Variants in NOS1AP observed in about 807,000 individuals in gnomAD.
The protein encoded by NOS1AP is nitric oxide synthase 1 adaptor protein.
Under a neutral mutation model 56.2 loss-of-function variants are expected in NOS1AP, and 21 were observed. The observed-to-expected ratio is 0.37, with a 90% CI of 0.26 to 0.54. The LOEUF (loss-of-function observed/expected upper bound fraction) is 0.54, where lower values mean the gene tolerates loss of function less well. Among genes scored for constraint, NOS1AP ranks in the 20% least tolerant of loss-of-function variants. NOS1AP has a pLI of 0.84. For missense variants in NOS1AP, 522 were observed against 657.8 expected (o/e 0.79, Z 2.26); for synonymous variants, 270 against 274.6 (o/e 0.98, Z 0.17).
Position 162,199,014 on chromosome 1 carries a change from G to A in NOS1AP, c.177+44538G>A, listed in dbSNP as rs906271912. Among the ~76,000 whole-genome samples, 8 of 152,102 alleles carry A rather than the reference G, an allele frequency of 5.3e-5. No homozygotes were observed. The East Asian group carries it at 1.5e-3, about 29-fold the overall frequency. On this transcript the variant is annotated intron_variant, in intron 2 of 9. Transcript: ENST00000361897. The stretch of plus-strand genomic sequence containing the variant: ...AAAGAATAACCACTCAACTAATATG[G>A]GTTGATTGATTAAATATGGCAAAGG...
At chr1:162,175,899 T>C (rs1415827285) in intron 2 of NOS1AP, among the ~76,000 whole-genome samples, 1 of 152,176 alleles carries the variant, frequency 6.6e-6, no homozygotes, top group Non-Finnish European at 1.5e-5. Context: ...TTTGCTTAAT[T>C]GTTCACTTCC....
chr1:162,146,812 A>C (rs1192718318), intron 1 of NOS1AP, among the ~76,000 whole-genome samples: 1 of 152,252 alleles, frequency 6.6e-6, no homozygotes, highest in Non-Finnish European at 1.5e-5. Context: ...ATCTTACATT[A>C]GTATAGTACA....
At chr1:162,358,254 C>T (rs1429097855) in intron 8 of NOS1AP, among the ~76,000 whole-genome samples, 1 of 152,162 alleles carries the variant, frequency 6.6e-6, no homozygotes, top group Non-Finnish European at 1.5e-5. Context: ...TCCACCTTTC[C>T]ACCTTGAGGA....
At chr1:162,222,102 T>G (rs980936189) in intron 2 of NOS1AP, among the ~76,000 whole-genome samples, 1 of 152,258 alleles carries the variant, frequency 6.6e-6, no homozygotes, top group African/African-American at 2.4e-5. Context: ...TTTACAGTTC[T>G]TATTCCTAGC....
intron 1 of NOS1AP, among the ~76,000 whole-genome samples, chr1:162,128,985 G>A (rs1280320539): frequency 1.3e-5 from 2 of 152,136 alleles, no homozygotes; most frequent in Admixed American, 1.3e-4. Flanking sequence ...CTCATTAGGC[G>A]CTGATAACCC....
intron 2 of NOS1AP, among the ~76,000 whole-genome samples, chr1:162,249,543 TCA>T: frequency 1.3e-5 from 2 of 152,206 alleles, no homozygotes; most frequent in Non-Finnish European, 2.9e-5. Context: ...TCTCTTGTCA[TCA>T]TCCACACCAA....
intron 2 of NOS1AP, among the ~76,000 whole-genome samples, chr1:162,204,136 C>G (rs1374326870): frequency 6.6e-6 from 1 of 152,194 alleles, no homozygotes; most frequent in Admixed American, 6.5e-5. Context: ...GCTCTGGGGA[C>G]AATACAAACT....
intron 2 of NOS1AP, among the ~76,000 whole-genome samples, chr1:162,283,624 C>T (rs542006691): frequency 1.3e-5 from 2 of 152,200 alleles, no homozygotes; most frequent in African/African-American, 4.8e-5. Context: ...GCTTCCCCTT[C>T]CTGGACCTCA....
chr1:162,192,386 T>TAA (rs1388201845), intron 2 of NOS1AP, among the ~76,000 whole-genome samples: 1 of 152,018 alleles, frequency 6.6e-6, no homozygotes, highest in Non-Finnish European at 1.5e-5. Flanking sequence ...GATGTATGGG[T>TAA]TTTTGTGTTG....
Position 162,367,741 on chromosome 1 carries a change from G to A in NOS1AP, c.*274G>A, listed in dbSNP as rs752055367. ...TCCAGAGCCCATGGCTTCAGGAGAG[G>A]GTCTCTCTCCAGGACTGCCAGGCTG... is the stretch of plus-strand genomic sequence containing the variant. On this transcript the variant is annotated 3_prime_UTR_variant, in exon 10 of 10. Coordinates refer to ENST00000361897, the MANE Select transcript of NOS1AP (RefSeq NM_014697.3). This position sits in a 1 kb window ranked among gnomAD's most constrained non-coding sequence, Gnocchi z 6.5. 14 of 471,978 alleles carry A rather than the reference G, an allele frequency of 3.0e-5. No homozygotes were observed. The highest frequency in any genetic ancestry group is 5.0e-5 in the Non-Finnish European group (13 of 261,230). 29.2% of individuals were successfully genotyped at this position (471,978 alleles called of 1,614,324 possible).
chr1:162,334,793 A>G (rs1233011343), intron 5 of NOS1AP, among the ~76,000 whole-genome samples: 2 of 152,228 alleles, frequency 1.3e-5, no homozygotes, highest in Non-Finnish European at 2.9e-5. Context: ...AAGGTAAGAC[A>G]TGTAACTTTC....
chr1:162,195,550 G>A (rs1357764663), intron 2 of NOS1AP, among the ~76,000 whole-genome samples: 1 of 152,118 alleles, frequency 6.6e-6, no homozygotes, highest in Non-Finnish European at 1.5e-5. Context: ...TTTTAAATTT[G>A]TTCCTCTTCT....
chr1:162,207,760 G>A (rs191360636), intron 2 of NOS1AP, among the ~76,000 whole-genome samples: 22 of 152,258 alleles, frequency 1.4e-4, no homozygotes, highest in Admixed American at 4.6e-4. Flanking sequence ...ATTGGATGTT[G>A]TGCCTATACA....
chr1:162,367,167 C>T lies in NOS1AP; in HGVS notation c.1221C>T (p.Gly407=). The change falls in exon 10 of 10, where the codon GGC becomes GGT. Residue 407 remains glycine (G), a synonymous_variant. Coordinates refer to ENST00000361897, the MANE Select transcript of NOS1AP (RefSeq NM_014697.3). This position sits in a 1 kb window ranked among gnomAD's most constrained non-coding sequence, Gnocchi z 6.5. The part of the protein sequence containing the change: ...EDLHSPPLGA[G]LADFAHPAGS... ...TGCATTCGCCGCCGCTGGGCGCGGG[C>T]TTGGCTGACTTTGCCCACCCTGCGG... is the stretch of plus-strand genomic sequence containing the variant. 6.2e-7 allele frequency: 1 copy of T among 1,613,864 alleles called. No homozygotes were observed. Among genetic ancestry groups the T allele is most frequent in the Non-Finnish European group, 8.5e-7 (1 of 1,179,964 alleles).
chr1:162,191,363 G>C (rs1037693365), intron 2 of NOS1AP, among the ~76,000 whole-genome samples: 15 of 152,150 alleles, frequency 9.9e-5, no homozygotes, highest in African/African-American at 3.6e-4. Flanking sequence ...TCTTTCCTGG[G>C]GGGGATCTTC....
intron 2 of NOS1AP, among the ~76,000 whole-genome samples, chr1:162,191,748 C>G (rs531748005): frequency 1.3e-5 from 2 of 152,138 alleles, no homozygotes; most frequent in Admixed American, 1.3e-4. Flanking sequence ...TTGTGTTTGT[C>G]ACTCATTCTT....
intron 3 of NOS1AP, 116 bp downstream of exon 3, chr1:162,287,552 T>C (rs1655127408): frequency 1.3e-6 from 1 of 778,956 alleles, no homozygotes; most frequent in Non-Finnish European, 2.3e-6. Flanking sequence ...TCTGGCAAGC[T>C]CTTCTGCTTT....
rs1651825361 is a variant in NOS1AP, at chr1:162,196,930, C to CTGCTGG, written c.177+42456_177+42461dup. Among the ~76,000 whole-genome samples, 8 of 152,244 alleles carry CTGCTGG rather than the reference C, an allele frequency of 5.3e-5. No homozygotes were observed. In the South Asian group the frequency reaches 1.7e-3, roughly 32 times the overall value. On this transcript the variant is annotated intron_variant, in intron 2 of 9. Transcript: ENST00000361897. ...CTTCTCTTTTTCATGCCCATTCCTT[C>CTGCTGG]TGCTGGTTCAGGCAGTAGCATTTCA...
chr1:162,326,222 C>T (rs893305843), intron 4 of NOS1AP, among the ~76,000 whole-genome samples: 4 of 152,176 alleles, frequency 2.6e-5, no homozygotes, highest in African/African-American at 9.7e-5. Context: ...GTGGCAGGTC[C>T]TGGGCTTGCT....
Sources: allele counts gnomAD v4.1 joint callset (sites outside exome capture counted in the v4.1 genomes callset), GRCh38; gene constraint gnomAD v4.1.1; non-coding constraint Gnocchi (gnomAD v3.1); transcripts MANE v1.5; gene names NCBI Gene and HGNC (gene_info 2026-07-23, HGNC 2026-07-21).